LAMP3: variants seen among roughly 807,000 people sequenced by gnomAD.
The protein encoded by LAMP3 is lysosome-associated membrane glycoprotein 3.
Under a neutral mutation model 34.8 loss-of-function variants are expected in LAMP3, and 26 were observed. The ratio of observed to expected loss-of-function variants is 0.75; its 90% CI spans 0.55 to 1.04. The LOEUF (loss-of-function observed/expected upper bound fraction) is 1.04, where lower values mean the gene tolerates loss of function less well. Among genes scored for constraint, LAMP3 ranks in the 50% least tolerant of loss-of-function variants. The probability of loss-of-function intolerance (pLI) is 0.00; values close to 1 mark genes in which losing one functional copy is unlikely to be tolerated. For synonymous variants in LAMP3, 180 were observed against 201.9 expected (o/e 0.89, Z 0.92); for missense variants, 495 against 524.0 (o/e 0.94, Z 0.54).
intron 5 of LAMP3, among the ~76,000 whole-genome samples, chr3:183,126,299 T>A (rs73886233): frequency 6.6e-6 from 1 of 151,878 alleles, no homozygotes; most frequent in Non-Finnish European, 1.5e-5. Context: ...CCCAAACCCA[T>A]GTGCTTGTGG....
chr3:183,159,814 G>A (rs1400848077), intron 1 of LAMP3, among the ~76,000 whole-genome samples: 1 of 152,216 alleles, frequency 6.6e-6, no homozygotes, highest in African/African-American at 2.4e-5. Context: ...CAAAAGAAGG[G>A]AAGTGTTAAG....
chr3:183,161,964 A>C (rs1720987340), intron 1 of LAMP3: 1 of 985,424 alleles, frequency 1.0e-6, no homozygotes. Context: ...AGCAAGGGCC[A>C]CCGCGCCCCC....
intron 5 of LAMP3, among the ~76,000 whole-genome samples, chr3:183,135,457 G>A (rs1250988144): frequency 2.6e-5 from 4 of 152,176 alleles, no homozygotes; most frequent in East Asian, 1.9e-4. Flanking sequence ...TTGATTGAGC[G>A]CGTGAGTGTT....
chr3:183,136,435 T>A (rs1196917957), intron 4 of LAMP3, among the ~76,000 whole-genome samples: 1 of 152,026 alleles, frequency 6.6e-6, no homozygotes, highest in Non-Finnish European at 1.5e-5. Flanking sequence ...TCAGATCACC[T>A]GAGGTCGGGA....
chr3:183,146,058 T>C (rs189536460), intron 3 of LAMP3, among the ~76,000 whole-genome samples: 55 of 152,344 alleles, frequency 3.6e-4, no homozygotes, highest in Non-Finnish European at 2.8e-4. Context: ...TAACATCTAT[T>C]ATATTATAAT....
chr3:183,153,333 C>A (rs199988007), intron 2 of LAMP3, among the ~76,000 whole-genome samples: 11,084 of 152,124 alleles, frequency 0.073, 458 homozygotes, highest in East Asian at 0.16. Context: ...TTAAATCTCT[C>A]ATTTCACGGG....
At chr3:183,149,988 A>G (rs1348076906) in intron 3 of LAMP3, among the ~76,000 whole-genome samples, 2 of 152,188 alleles carry the variant, frequency 1.3e-5, no homozygotes, top group African/African-American at 4.8e-5. Context: ...CTCCCGGCGA[A>G]GGTCAGCTAC....
Position 183,146,824 on chromosome 3 carries a change from G to A in LAMP3, c.888+5551C>T, listed in dbSNP as rs576371307. Among the ~76,000 whole-genome samples, 8 of 151,422 alleles carry A rather than the reference G, an allele frequency of 5.3e-5. No homozygotes were observed. In the East Asian group the frequency reaches 5.9e-4, roughly 11 times the overall value. ...ATTACAGGTGTGAGCCACTGTGCCC[G>A]GCCCTCAAATTTTTAAAAATGTGTT... On this transcript the variant is annotated intron_variant, in intron 3 of 5. Coordinates refer to ENST00000265598, the MANE Select transcript of LAMP3 (RefSeq NM_014398.4).
intron 1 of LAMP3, among the ~76,000 whole-genome samples, chr3:183,160,194 T>C (rs501044): frequency 0.32 from 48,761 of 152,062 alleles, 8,746 homozygotes; most frequent in African/African-American, 0.48. Flanking sequence ...CCCCTCATTT[T>C]CTGGAGGAAA....
intron 3 of LAMP3, among the ~76,000 whole-genome samples, chr3:183,148,770 A>G (rs986586335): frequency 1.3e-5 from 2 of 152,226 alleles, no homozygotes; most frequent in Non-Finnish European, 2.9e-5. Context: ...TAGAACCAAG[A>G]TGGAGAAAAG....
intron 3 of LAMP3, among the ~76,000 whole-genome samples, chr3:183,147,381 A>G (rs1454248602): frequency 1.3e-5 from 2 of 152,114 alleles, no homozygotes; most frequent in Non-Finnish European, 2.9e-5. Flanking sequence ...CATTTGCACC[A>G]TCTGCAGAGC....
chr3:183,162,395 C>G (rs1439485445), intron 1 of LAMP3, among the ~76,000 whole-genome samples: 1 of 152,134 alleles, frequency 6.6e-6, no homozygotes, highest in Non-Finnish European at 1.5e-5. Flanking sequence ...TGTCCAGAAC[C>G]CTTTTGGAAG....
intron 5 of LAMP3, chr3:183,132,429 G>C (rs980996439): frequency 5.1e-6 from 5 of 976,866 alleles, no homozygotes; most frequent in Non-Finnish European, 6.1e-6. Flanking sequence ...TGAAAATCAG[G>C]ACTCTTGAAA....
rs1275664909 is a variant in LAMP3, at chr3:183,154,329, G to GT, written c.111_112insA (p.Gln38ThrfsTer20). On this transcript the variant is annotated frameshift_variant, in exon 2 of 6. Coordinates refer to ENST00000265598, the MANE Select transcript of LAMP3 (RefSeq NM_014398.4). LOFTEE classifies it high-confidence loss of function. ...TGTACTGTTGCTGCTGCAGTAGGTT[G>GT]AGAATAATCTCTGGTTTCTGGAAAT... 13 of 1,612,400 alleles carry GT rather than the reference G, an allele frequency of 8.1e-6. No individual in the cohort carries two copies. In the Admixed American group the frequency reaches 2.2e-4, roughly 27 times the overall value.
At chr3:183,158,769 G>A (rs1206471264) in intron 1 of LAMP3, among the ~76,000 whole-genome samples, 2 of 152,118 alleles carry the variant, frequency 1.3e-5, no homozygotes, top group Non-Finnish European at 2.9e-5. Flanking sequence ...CAGTATGTAC[G>A]GGTCTCCTCT....
chr3:183,131,940 T>C, intron 5 of LAMP3: 14 of 985,374 alleles, frequency 1.4e-5, no homozygotes, highest in Non-Finnish European at 1.7e-5. Flanking sequence ...CTGCTTTTGG[T>C]GAATGTTTGC....
At chr3:183,133,485 G>A (rs1719988534) in intron 5 of LAMP3, among the ~76,000 whole-genome samples, 1 of 152,164 alleles carries the variant, frequency 6.6e-6, no homozygotes, top group South Asian at 2.1e-4. Context: ...CTCCCGAGTA[G>A]CTGGGATTAC....
intron 1 of LAMP3, among the ~76,000 whole-genome samples, chr3:183,157,865 A>C (rs1217214607): frequency 1.3e-5 from 2 of 152,156 alleles, no homozygotes; most frequent in African/African-American, 4.8e-5. Context: ...CATCCTAAAC[A>C]AGCCAAGAAG....
At chr3:183,139,055 G>C (rs937464683) in intron 4 of LAMP3, among the ~76,000 whole-genome samples, 2 of 152,014 alleles carry the variant, frequency 1.3e-5, no homozygotes, top group African/African-American at 2.4e-5. Flanking sequence ...AATAGCTTTC[G>C]ATTCCTCTCC....
Sources: allele counts gnomAD v4.1 joint callset (sites outside exome capture counted in the v4.1 genomes callset), GRCh38; gene constraint gnomAD v4.1.1; transcripts MANE v1.5; gene names NCBI Gene and HGNC (gene_info 2026-07-23, HGNC 2026-07-21).